Variants in STAG1 observed in about 807,000 individuals in gnomAD.
STAG1 encodes the protein STAG1 cohesin complex component, also known as cohesin subunit SA-1.
In STAG1, 26 loss-of-function variants were observed where a neutral mutation model predicts 170.9. That is an observed-to-expected ratio of 0.15 (90% CI 0.11 to 0.21). The LOEUF is 0.21. STAG1 is among the 10% of genes least tolerant of loss of function. The pLI is 1.00. For missense variants in STAG1, 964 were observed against 1,509.5 expected, an observed-to-expected ratio of 0.64 and a Z score of 5.99; for synonymous variants, 514 against 497.7, an observed-to-expected ratio of 1.03 and a Z score of -0.44.
At chr3:136,699,534 G>A (rs968205744) in intron 1 of STAG1, among the ~76,000 whole-genome samples, 6 of 151,680 alleles carry the variant, frequency 4.0e-5, no homozygotes, top group African/African-American at 1.2e-4. Flanking sequence ...GGGACTAAGC[G>A]CCACCACGTC....
In STAG1 at chr3:136,343,857, C is replaced by A; in HGVS notation, c.3421G>T (p.Gly1141Cys). 1 of 1,589,042 alleles carries A rather than the reference C, an allele frequency of 6.3e-7. No individual in the cohort carries two copies. The highest frequency in any genetic ancestry group is 8.6e-7 in the Non-Finnish European group (1 of 1,169,104). The change falls in exon 30 of 34, where the codon GGT (glycine) becomes TGT (cysteine). Residue 1141 changes from glycine to cysteine, a missense_variant. This residue lies in a region of STAG1 where 122 missense variants were observed against 129.0 expected (regional missense o/e 0.95). Coordinates refer to ENST00000383202, the MANE Select transcript of STAG1 (RefSeq NM_005862.3). ...DQIQEPESEH[G>C]SEPDFLHNPQ... ...TTGTGTAAAAAGTCTGGTTCAGAAC[C>A]ATGTTCAGACTCAGGTTCTTGAATC...
At chr3:136,587,971 AC>A (rs1441084541) in intron 4 of STAG1, among the ~76,000 whole-genome samples, 4 of 152,366 alleles carry the variant, frequency 2.6e-5, no homozygotes, top group East Asian at 1.9e-4. Flanking sequence ...CTCAAAAAAA[AC>A]AAAACAAAAA....
At chr3:136,440,238 C>A (rs2088591760) in intron 15 of STAG1, among the ~76,000 whole-genome samples, 1 of 152,030 alleles carries the variant, frequency 6.6e-6, no homozygotes, top group African/African-American at 2.4e-5. Flanking sequence ...CCCGGGTTTA[C>A]ACCATTCTCC....
At chr3:136,719,827 A>G (rs954627563) in intron 1 of STAG1, among the ~76,000 whole-genome samples, 2 of 152,128 alleles carry the variant, frequency 1.3e-5, no homozygotes, top group African/African-American at 4.8e-5. Context: ...ACTAGAAGCA[A>G]TATATATCTC....
chr3:136,424,206 G>A (rs775585954), intron 16 of STAG1, among the ~76,000 whole-genome samples: 20 of 151,986 alleles, frequency 1.3e-4, no homozygotes, highest in Non-Finnish European at 2.6e-4. Context: ...AGCAATTAAG[G>A]GAACTACATG....
intron 1 of STAG1, among the ~76,000 whole-genome samples, chr3:136,744,762 G>A (rs143518062): frequency 9.7e-4 from 138 of 141,672 alleles, no homozygotes; most frequent in African/African-American, 3.3e-3. Flanking sequence ...TGCAACCTCC[G>A]CCTCCAGAGT....
At chr3:136,744,578 T>C (rs1241079625) in intron 1 of STAG1, among the ~76,000 whole-genome samples, 2 of 152,002 alleles carry the variant, frequency 1.3e-5, no homozygotes, top group Non-Finnish European at 2.9e-5. Context: ...GGCTCTACTT[T>C]GCACTTTCCT....
intron 22 of STAG1, among the ~76,000 whole-genome samples, chr3:136,398,414 G>A (rs769954772): frequency 1.4e-4 from 22 of 151,978 alleles, no homozygotes; most frequent in Admixed American, 4.6e-4. Flanking sequence ...CACCGTGCAC[G>A]GCCTCAATGT....
chr3:136,647,957 C>T (rs978298823), intron 1 of STAG1, among the ~76,000 whole-genome samples: 10 of 152,156 alleles, frequency 6.6e-5, no homozygotes, highest in Non-Finnish European at 1.2e-4. Flanking sequence ...GTTTATAGTG[C>T]TTCTTAGTTC....
At chr3:136,484,390 G>C (rs1193343295) in intron 9 of STAG1, among the ~76,000 whole-genome samples, 2 of 148,168 alleles carry the variant, frequency 1.3e-5, no homozygotes, top group African/African-American at 5.0e-5. Flanking sequence ...TAGGCTGCTC[G>C]GGGGTCAGGG....
In STAG1 at chr3:136,338,543, T is replaced by A. The variant is rs555477624; in HGVS notation, c.3673-93A>T. 1.8e-4 allele frequency: 157 copies of A among 862,204 alleles called. No homozygotes were observed. In the African/African-American group the frequency reaches 2.4e-3, roughly 13 times the overall value. The allele number at this position is 862,204 out of a possible 1,614,324, so 53.4% of individuals were successfully genotyped here. A position where few individuals can be genotyped will look rare whatever the true frequency, so the allele number is the denominator to read the frequency against. On this transcript the variant is annotated intron_variant, in intron 32 of 33. Transcript: ENST00000383202. Reference sequence around the variant, plus strand: ...CTAATATTTCTGACAGTATCATAAATATATGGAACTGCTAAGAGTCAATTT... The same window carrying A: ...CTAATATTTCTGACAGTATCATAAAAATATGGAACTGCTAAGAGTCAATTT...
intron 5 of STAG1, among the ~76,000 whole-genome samples, chr3:136,554,362 T>C (rs1027912538): frequency 6.6e-6 from 1 of 152,054 alleles, no homozygotes; most frequent in Non-Finnish European, 1.5e-5. Context: ...GCACAATAAA[T>C]TAGAAGGATA....
chr3:136,384,102 T>C (rs1472629449), intron 22 of STAG1, among the ~76,000 whole-genome samples: 1 of 152,136 alleles, frequency 6.6e-6, no homozygotes. Context: ...ATAATGACTC[T>C]TTAATATGAT....
chr3:136,575,858 T>C (rs1937437945), intron 4 of STAG1, among the ~76,000 whole-genome samples: 1 of 152,212 alleles, frequency 6.6e-6, no homozygotes, highest in Non-Finnish European at 1.5e-5. Flanking sequence ...GCTAGCCATA[T>C]ATGAATGCAA....
intron 1 of STAG1, among the ~76,000 whole-genome samples, chr3:136,670,876 T>C (rs9881831): frequency 0.15 from 22,752 of 152,256 alleles, 2,269 homozygotes; most frequent in Non-Finnish European, 0.22. Flanking sequence ...CAATAATGGA[T>C]GTATTTTCCA....
At chr3:136,593,179 T>C (rs949190540) in intron 4 of STAG1, among the ~76,000 whole-genome samples, 3 of 152,192 alleles carry the variant, frequency 2.0e-5, no homozygotes, top group African/African-American at 7.2e-5. Flanking sequence ...TCGCGCATGT[T>C]TTTTCAGAAA....
At chr3:136,391,799 G>A (rs2087018123) in intron 22 of STAG1, among the ~76,000 whole-genome samples, 1 of 152,208 alleles carries the variant, frequency 6.6e-6, no homozygotes, top group Admixed American at 6.5e-5. Flanking sequence ...CACAGGACCA[G>A]CACTAGGGGG....
At chr3:136,493,246 G>C (rs989282068) in intron 9 of STAG1, among the ~76,000 whole-genome samples, 2 of 152,178 alleles carry the variant, frequency 1.3e-5, no homozygotes, top group Admixed American at 1.3e-4. Context: ...AGGAGGCTGA[G>C]GTGGGAAGAT....
At chr3:136,722,998 A>G (rs1176994559) in intron 1 of STAG1, among the ~76,000 whole-genome samples, 1 of 152,162 alleles carries the variant, frequency 6.6e-6, no homozygotes, top group African/African-American at 2.4e-5. Context: ...TCAGTGCTCA[A>G]TGGTGCCCAG....
Sources: allele counts gnomAD v4.1 joint callset (sites outside exome capture counted in the v4.1 genomes callset), GRCh38; gene constraint gnomAD v4.1.1; regional missense constraint gnomAD v4.1.1; transcripts MANE v1.5; gene names NCBI Gene and HGNC (gene_info 2026-07-23, HGNC 2026-07-21).